RIN2: variants seen among roughly 807,000 people sequenced by gnomAD.
RIN2 encodes the protein RAB5 interacting protein 2.
In RIN2, 36 loss-of-function variants were observed where a neutral mutation model predicts 78.0. The observed-to-expected ratio is 0.46, with a 90% CI of 0.35 to 0.61. The LOEUF (loss-of-function observed/expected upper bound fraction) is 0.61, where lower values mean the gene tolerates loss of function less well. RIN2 is among the 20% of genes least tolerant of loss of function. RIN2 has a pLI of 0.00. For missense variants in RIN2, 1,087 were observed against 1,159.7 expected (o/e 0.94, Z 0.91); for synonymous variants, 466 against 466.8 (o/e 1.00, Z 0.02).
At chr20:19,959,367 C>T (rs1025641753) in intron 5 of RIN2, among the ~76,000 whole-genome samples, 1 of 152,164 alleles carries the variant, frequency 6.6e-6, no homozygotes. Flanking sequence ...ACAGCTGCCT[C>T]TCCACAGTGC....
At chr20:19,832,709 G>C (rs886902805) in intron 2 of RIN2, among the ~76,000 whole-genome samples, 1 of 152,042 alleles carries the variant, frequency 6.6e-6, no homozygotes, top group African/African-American at 2.4e-5. Context: ...ACACCAGCAG[G>C]TTCAGTGTCT....
intron 3 of RIN2, among the ~76,000 whole-genome samples, chr20:19,891,832 AAAG>A (rs1248022252): frequency 2.0e-5 from 3 of 152,188 alleles, no homozygotes; most frequent in Non-Finnish European, 2.9e-5. Flanking sequence ...CCATCTAAAA[AAAG>A]AAGAAGAAGA....
rs1316908509 is a variant in RIN2 at position 20,002,268 on chromosome 20, A to C, written c.*1332A>C. 1.3e-5 allele frequency: 2 copies of C among 152,586 alleles called. No individual in the cohort carries two copies. The highest frequency in any genetic ancestry group is 2.9e-5 in the Non-Finnish European group (2 of 68,042). The allele number at this position is 152,586 out of a possible 1,614,324, so 9.5% of individuals were successfully genotyped here. The stretch of plus-strand genomic sequence containing the variant: ...CAAAAACATGTTATTGTACTGTGTA[A>C]AGATGCATAGTCATCTCATTTGGTT... On this transcript the variant is annotated 3_prime_UTR_variant, in exon 13 of 13. Transcript: ENST00000255006.
chr20:19,952,549 A>G (rs1212915314), intron 4 of RIN2, among the ~76,000 whole-genome samples: 1 of 152,224 alleles, frequency 6.6e-6, no homozygotes, highest in Non-Finnish European at 1.5e-5. Flanking sequence ...ATAAGGCCCC[A>G]TGAATCTTAT....
intron 1 of RIN2, among the ~76,000 whole-genome samples, chr20:19,789,489 A>T (rs371300475): frequency 6.6e-6 from 1 of 152,018 alleles, no homozygotes; most frequent in Non-Finnish European, 1.5e-5. Flanking sequence ...CTAGTCCTTT[A>T]TGATTTCTCT....
intron 2 of RIN2, among the ~76,000 whole-genome samples, chr20:19,854,347 T>G (rs1461093351): frequency 1.6e-4 from 24 of 152,180 alleles, no homozygotes; most frequent in Non-Finnish European, 3.4e-4. Context: ...GGCTTAGGAT[T>G]GCCTTGGCAA....
intron 12 of RIN2, among the ~76,000 whole-genome samples, chr20:19,999,465 G>A (rs937528316): frequency 2.6e-5 from 4 of 152,186 alleles, no homozygotes; most frequent in African/African-American, 4.8e-5. Context: ...CCCTCGTGGT[G>A]ACCTTGCAGG....
chr20:19,793,508 G>GA (rs1035306272), intron 1 of RIN2, among the ~76,000 whole-genome samples: 2 of 151,072 alleles, frequency 1.3e-5, no homozygotes, highest in Non-Finnish European at 3.0e-5. Flanking sequence ...TTAATTTAAA[G>GA]AAAAAAAAGG....
Position 19,781,839 on chromosome 20 carries a change from A to G in RIN2, c.-162-17783A>G, listed in dbSNP as rs141703827. Among the ~76,000 whole-genome samples, 287 of 150,922 alleles carry G rather than the reference A, an allele frequency of 1.9e-3. 2 individuals carry two copies. The highest frequency in any genetic ancestry group is 6.7e-3 in the African/African-American group (273 of 40,992). On this transcript the variant is annotated intron_variant, in intron 1 of 12. Coordinates refer to ENST00000255006, the MANE Select transcript of RIN2 (RefSeq NM_018993.4). Reference sequence around the variant, plus strand: ...AGGTATCCATCTGTGGCCAATCTTCATTAACCCAGTGCTTGCAATTACTGT... The same window carrying G: ...AGGTATCCATCTGTGGCCAATCTTCGTTAACCCAGTGCTTGCAATTACTGT...
intron 7 of RIN2, among the ~76,000 whole-genome samples, chr20:19,966,827 G>T (rs2041955221): frequency 6.6e-6 from 1 of 152,140 alleles, no homozygotes; most frequent in South Asian, 2.1e-4. Flanking sequence ...GATTTGGGCA[G>T]GATCTCTTAA....
chr20:19,767,834 A>C (rs548000504), intron 1 of RIN2, among the ~76,000 whole-genome samples: 31 of 151,690 alleles, frequency 2.0e-4, no homozygotes, highest in Non-Finnish European at 4.4e-4. Context: ...CTGAGGTAGG[A>C]GAATCACTTG....
In RIN2 at chr20:19,760,617, G is replaced by A. The variant is rs1408919027; in HGVS notation, c.-163+2290G>A. On this transcript the variant is annotated intron_variant, in intron 1 of 12. Coordinates refer to ENST00000255006, the MANE Select transcript of RIN2 (RefSeq NM_018993.4). ...TAGCTAAACCCTCTTCCTCTGCTTG[G>A]AGGACACAGATGAATCAGGTATCAC... 2.0e-5 allele frequency among the ~76,000 whole-genome samples: 3 copies of A among 152,166 alleles called. No homozygotes were observed. In the South Asian group the frequency reaches 6.2e-4, roughly 32 times the overall value.
chr20:19,943,200 C>T (rs1454021742), intron 4 of RIN2, among the ~76,000 whole-genome samples: 1 of 152,176 alleles, frequency 6.6e-6, no homozygotes, highest in Non-Finnish European at 1.5e-5. Flanking sequence ...TTTACAGGAA[C>T]AAATGAAAGC....
intron 12 of RIN2, among the ~76,000 whole-genome samples, chr20:19,999,119 G>A (rs575094322): frequency 1.1e-4 from 17 of 152,210 alleles, no homozygotes; most frequent in Non-Finnish European, 1.6e-4. Flanking sequence ...CACAGACACA[G>A]AGGTCTTCTC....
intron 3 of RIN2, among the ~76,000 whole-genome samples, chr20:19,893,262 A>G (rs922380271): frequency 1.3e-5 from 2 of 152,280 alleles, no homozygotes; most frequent in African/African-American, 2.4e-5. Flanking sequence ...ACCGCAACGC[A>G]CTTCTCAGCA....
chr20:19,809,992 G>T (rs2035536598), intron 2 of RIN2, among the ~76,000 whole-genome samples: 1 of 152,028 alleles, frequency 6.6e-6, no homozygotes, highest in African/African-American at 2.4e-5. Context: ...GCTGCAGAAA[G>T]AAAATGACTA....
chr20:19,940,314 CT>C (rs1376895312), intron 4 of RIN2, among the ~76,000 whole-genome samples: 3 of 152,298 alleles, frequency 2.0e-5, no homozygotes, highest in African/African-American at 7.2e-5. Flanking sequence ...TGCCAAGCCC[CT>C]TAGTGATTTT....
At chr20:19,936,356 A>G (rs531459333) in intron 4 of RIN2, among the ~76,000 whole-genome samples, 17 of 152,204 alleles carry the variant, frequency 1.1e-4, no homozygotes, top group Non-Finnish European at 2.4e-4. Flanking sequence ...ATTTTCAGGT[A>G]GTGACTCTCT....
chr20:19,877,504 A>G (rs1362140579), intron 2 of RIN2, among the ~76,000 whole-genome samples: 1 of 152,216 alleles, frequency 6.6e-6, no homozygotes, highest in Non-Finnish European at 1.5e-5. Context: ...TGAAAGAGCC[A>G]TAAGGCAGAG....
Sources: allele counts gnomAD v4.1 joint callset (sites outside exome capture counted in the v4.1 genomes callset), GRCh38; gene constraint gnomAD v4.1.1; transcripts MANE v1.5; gene names NCBI Gene and HGNC (gene_info 2026-07-23, HGNC 2026-07-21).